Variants in CSMD3 observed in about 807,000 individuals in gnomAD.
CSMD3 encodes the protein CUB and sushi domain-containing protein 3.
CSMD3 carries 177 observed loss-of-function variants against 435.2 expected under a neutral mutation model. That is an observed-to-expected ratio of 0.41 (90% CI 0.36 to 0.46). The LOEUF (loss-of-function observed/expected upper bound fraction) is 0.46. CSMD3 is among the 20% of genes least tolerant of loss of function. The pLI is 0.34. For missense variants in CSMD3, 4,265 were observed against 4,504.6 expected (o/e 0.95, Z 1.52); for synonymous variants, 1,656 against 1,520.5 (o/e 1.09, Z -2.07).
chr8:113,148,855 A>T (rs6985122), intron 4 of CSMD3, among the ~76,000 whole-genome samples: 22,347 of 151,698 alleles, frequency 0.15, 3,336 homozygotes, highest in African/African-American at 0.38. Context: ...TAACACTAAG[A>T]TCTCAAGTGA....
chr8:112,632,419 C>A (rs1260155615), intron 22 of CSMD3, among the ~76,000 whole-genome samples: 1 of 151,984 alleles, frequency 6.6e-6, no homozygotes, highest in African/African-American at 2.4e-5. Flanking sequence ...AAATTAGAAA[C>A]AGAAGAAGAT....
chr8:113,168,574 T>TA (rs1159575887), intron 4 of CSMD3, among the ~76,000 whole-genome samples: 1 of 116,620 alleles, frequency 8.6e-6, no homozygotes, highest in African/African-American at 3.1e-5. Flanking sequence ...CAAAAAATGC[T>TA]AAAAAATAAT....
rs112310436 is a variant in CSMD3, at chr8:112,761,283, G to A, written c.1972+38879C>T. Among the ~76,000 whole-genome samples, 845 of 152,108 alleles carry A rather than the reference G, an allele frequency of 5.6e-3. 3 individuals carry two copies. Among genetic ancestry groups the A allele is most frequent in the African/African-American group, 0.019 (793 of 41,516 alleles). On this transcript the variant is annotated intron_variant, in intron 13 of 70. Coordinates refer to ENST00000297405, the MANE Select transcript of CSMD3 (RefSeq NM_198123.2). ...AACCACCAATGGAATTATTTCAAAA[G>A]TTGATTCTAGTTTGGTTTGAAATAC...
intron 5 of CSMD3, among the ~76,000 whole-genome samples, chr8:113,091,644 T>C (rs2090005710): frequency 1.3e-5 from 2 of 152,122 alleles, no homozygotes; most frequent in African/African-American, 4.8e-5. Flanking sequence ...ATTTTACTTA[T>C]GTGTATCTGC....
At chr8:112,451,408 G>A (rs1485719269) in intron 32 of CSMD3, among the ~76,000 whole-genome samples, 1 of 151,910 alleles carries the variant, frequency 6.6e-6, no homozygotes, top group Non-Finnish European at 1.5e-5. Context: ...TATTCTTGAA[G>A]GTTTTAAAAT....
chr8:113,397,312 T>C (rs1415386340), intron 1 of CSMD3, among the ~76,000 whole-genome samples: 1 of 152,156 alleles, frequency 6.6e-6, no homozygotes, highest in African/African-American at 2.4e-5. Context: ...CGTTTCTTCT[T>C]TATGGTCTCT....
intron 61 of CSMD3, among the ~76,000 whole-genome samples, chr8:112,262,416 CA>C (rs987901014): frequency 1.4e-5 from 2 of 141,526 alleles, no homozygotes; most frequent in African/African-American, 3.1e-5. Context: ...GTGAATAAAA[CA>C]AAAAAAATTC....
chr8:112,525,927 A>AAT (rs575164866), intron 27 of CSMD3, among the ~76,000 whole-genome samples: 1,676 of 143,812 alleles, frequency 0.012, 31 homozygotes, highest in African/African-American at 0.041. Flanking sequence ...TATATATATA[A>AAT]ATATATATAT....
intron 35 of CSMD3, among the ~76,000 whole-genome samples, chr8:112,403,984 A>G (rs1831551544): frequency 6.6e-6 from 1 of 152,178 alleles, no homozygotes. Context: ...TTCAGATTCC[A>G]TCTATTGTCA....
chr8:112,929,601 T>C lies in CSMD3; in HGVS notation c.1509-7850A>G, dbSNP rs144093990. On this transcript the variant is annotated intron_variant, in intron 9 of 70. Coordinates refer to ENST00000297405, the MANE Select transcript of CSMD3 (RefSeq NM_198123.2). ...TCTTAATTAAACAATTTTTAATAGA[T>C]CTTCAATTCTACATAAGCACAATAT... 2.1e-3 allele frequency among the ~76,000 whole-genome samples: 319 copies of C among 152,116 alleles called. 1 individual carries two copies. Among genetic ancestry groups the C allele is most frequent in the Middle Eastern group, 7.0e-3 (2 of 284 alleles).
chr8:112,353,367 G>A (rs1250773881), intron 38 of CSMD3, among the ~76,000 whole-genome samples: 2 of 152,108 alleles, frequency 1.3e-5, no homozygotes, highest in Non-Finnish European at 2.9e-5. Context: ...TCCAGCCTGG[G>A]TGACAGAGCG....
chr8:112,435,600 T>C (rs1276429291), intron 32 of CSMD3, among the ~76,000 whole-genome samples: 1 of 152,058 alleles, frequency 6.6e-6, no homozygotes, highest in African/African-American at 2.4e-5. Context: ...CTCTGGAAAC[T>C]AATGAACTTG....
intron 11 of CSMD3, among the ~76,000 whole-genome samples, chr8:112,830,362 TG>T (rs2079833469): frequency 6.6e-6 from 1 of 152,192 alleles, no homozygotes; most frequent in South Asian, 2.1e-4. Flanking sequence ...GCGGCAAAAC[TG>T]GGAGCACAAT....
intron 38 of CSMD3, among the ~76,000 whole-genome samples, chr8:112,367,827 A>G (rs1586894386): frequency 6.6e-6 from 1 of 152,230 alleles, no homozygotes; most frequent in Non-Finnish European, 1.5e-5. Flanking sequence ...AAAAAAGCCT[A>G]TGCCACATTT....
chr8:112,303,864 T>G (rs1248923913), intron 52 of CSMD3, among the ~76,000 whole-genome samples: 1 of 152,148 alleles, frequency 6.6e-6, no homozygotes, highest in Admixed American at 6.5e-5. Context: ...ATCTCTTTAT[T>G]AGTTTGTCTA....
intron 35 of CSMD3, among the ~76,000 whole-genome samples, chr8:112,392,489 T>C (rs1045432238): frequency 2.6e-5 from 4 of 152,032 alleles, no homozygotes; most frequent in Non-Finnish European, 5.9e-5. Flanking sequence ...AAACCAGCAG[T>C]TTTGCATGAT....
chr8:112,514,734 T>C (rs962069106), intron 28 of CSMD3, among the ~76,000 whole-genome samples: 2 of 152,092 alleles, frequency 1.3e-5, no homozygotes, highest in African/African-American at 2.4e-5. Context: ...TGTTTCTATA[T>C]GCAAGCAAGC....
chr8:112,324,859 G>A (rs542496156), intron 45 of CSMD3, among the ~76,000 whole-genome samples: 30 of 152,040 alleles, frequency 2.0e-4, no homozygotes, highest in Non-Finnish European at 4.1e-4. Flanking sequence ...AGAGTGGATA[G>A]CAAGAGACTA....
chr8:112,998,415 C>T (rs2131055752), intron 6 of CSMD3, among the ~76,000 whole-genome samples: 1 of 151,858 alleles, frequency 6.6e-6, no homozygotes, highest in African/African-American at 2.4e-5. Context: ...TGGTCATTTC[C>T]ATCACTACAG....
Sources: allele counts gnomAD v4.1 joint callset (sites outside exome capture counted in the v4.1 genomes callset), GRCh38; gene constraint gnomAD v4.1.1; transcripts MANE v1.5; gene names NCBI Gene and HGNC (gene_info 2026-07-23, HGNC 2026-07-21).